Variants in BRI3 observed in about 807,000 individuals in gnomAD.
BRI3 encodes membrane protein BRI3.
In BRI3, 6 loss-of-function variants were observed where a neutral mutation model predicts 12.8. That is an observed-to-expected ratio of 0.47 (90% CI 0.26 to 0.93). The LOEUF (loss-of-function observed/expected upper bound fraction) is 0.93. BRI3 is among the 40% of genes least tolerant of loss of function. The pLI is 0.15. For synonymous variants in BRI3, 91 were observed against 76.1 expected (o/e 1.20, Z -1.02); for missense variants, 134 against 171.1 (o/e 0.78, Z 1.21).
the BRI3 span, chr7:98,317,277 ATCT>A: frequency 2.1e-5 from 34 of 1,614,080 alleles, no homozygotes; most frequent in Middle Eastern, 1.6e-4. Flanking sequence ...TTTCCTTCTG[ATCT>A]TCTTCAACTC....
intron 2 of BRI3, among the ~76,000 whole-genome samples, chr7:98,287,088 C>T (rs899786767): frequency 1.3e-5 from 2 of 152,204 alleles, no homozygotes; most frequent in South Asian, 2.1e-4. Flanking sequence ...TCTCCCGGGC[C>T]GGGGTTCTCA....
intron 2 of BRI3, among the ~76,000 whole-genome samples, chr7:98,286,781 A>G (rs964064736): frequency 6.6e-6 from 1 of 152,378 alleles, no homozygotes; most frequent in Admixed American, 6.5e-5. Context: ...AAACTTTAAT[A>G]TTTCTGCAGC....
upstream of BRI3, among the ~76,000 whole-genome samples, chr7:98,305,374 TCA>T (rs1245795940): frequency 6.6e-6 from 1 of 151,852 alleles, no homozygotes; most frequent in African/African-American, 2.4e-5. Context: ...AAAGTGTTAC[TCA>T]GTTTTTGTTC....
At chr7:98,300,455 G>A (rs1296843971) in intron 1 of BRI3, among the ~76,000 whole-genome samples, 1 of 152,248 alleles carries the variant, frequency 6.6e-6, no homozygotes, top group Non-Finnish European at 1.5e-5. Flanking sequence ...TTTGCAGTCT[G>A]CATAGGATGT....
upstream of BRI3, among the ~76,000 whole-genome samples, chr7:98,301,922 C>A (rs927258188): frequency 6.6e-6 from 1 of 152,116 alleles, no homozygotes; most frequent in Non-Finnish European, 1.5e-5. Flanking sequence ...TCACCCCCTG[C>A]AGGCAGCCCC....
chr7:98,283,211 G>T (rs557474454), intron 2 of BRI3, among the ~76,000 whole-genome samples: 1 of 152,172 alleles, frequency 6.6e-6, no homozygotes, highest in East Asian at 1.9e-4. Flanking sequence ...GGCCGGGACA[G>T]GGTTTTCAGC....
intron 1 of BRI3, among the ~76,000 whole-genome samples, 159 bp downstream of exon 1, chr7:98,282,096 TC>T (rs950138364): frequency 4.0e-5 from 6 of 150,970 alleles, no homozygotes; most frequent in African/African-American, 1.2e-4. Context: ...AGGGCCAGCC[TC>T]CCCCCCGGGG....
At chr7:98,300,951 A>G (rs1218162704) in intron 1 of BRI3, among the ~76,000 whole-genome samples, 1 of 152,088 alleles carries the variant, frequency 6.6e-6, no homozygotes, top group Non-Finnish European at 1.5e-5. Flanking sequence ...CGTCCCAGGA[A>G]CCCTGGCCTC....
chr7:98,317,387 T>G, the BRI3 span: 1 of 1,610,072 alleles, frequency 6.2e-7, no homozygotes, highest in Non-Finnish European at 8.5e-7. Context: ...CTTATTTTAC[T>G]GTGGCACCAC....
chr7:98,308,562 AG>A (rs1308556493), exon 2 of BRI3: 3 of 340,462 alleles, frequency 8.8e-6, no homozygotes, highest in Non-Finnish European at 1.8e-5. Flanking sequence ...CAGCTAGGGC[AG>A]GTTTGTCCCA....
chr7:98,294,182 G>A, downstream of BRI3: 1 of 1,523,236 alleles, frequency 6.6e-7, no homozygotes. Context: ...AGGTAGAGAT[G>A]GGGATTTGCT....
chr7:98,303,027 C>CT (rs1800491928), upstream of BRI3, among the ~76,000 whole-genome samples: 1 of 152,190 alleles, frequency 6.6e-6, no homozygotes, highest in South Asian at 2.1e-4. Context: ...TCAAGTGATC[C>CT]TCCTGCCTTG....
chr7:98,296,121 T>G (rs1020498743), downstream of BRI3, among the ~76,000 whole-genome samples: 2 of 152,118 alleles, frequency 1.3e-5, no homozygotes, highest in Admixed American at 1.3e-4. Flanking sequence ...CACACAGCAC[T>G]GAGCGACTGT....
downstream of BRI3, chr7:98,293,552 G>T: frequency 6.2e-7 from 1 of 1,613,858 alleles, no homozygotes; most frequent in East Asian, 2.2e-5. Context: ...GCGATCATTC[G>T]TCACAGTCGG....
At chr7:98,319,666 C>T in the BRI3 span, among the ~76,000 whole-genome samples, 1 of 151,522 alleles carries the variant, frequency 6.6e-6, no homozygotes, top group Admixed American at 6.6e-5. Flanking sequence ...CCTGCCTCAT[C>T]CTCCCGAGTA....
chr7:98,292,487 T>C (rs907937995), downstream of BRI3: 44 of 736,018 alleles, frequency 6.0e-5, no homozygotes, highest in Non-Finnish European at 8.3e-5. Flanking sequence ...ACCATGACTC[T>C]CCACTCCAAA....
the BRI3 span, chr7:98,315,725 A>G: frequency 4.7e-6 from 2 of 429,302 alleles, no homozygotes; most frequent in Non-Finnish European, 7.3e-6. Context: ...TTATTTGAAT[A>G]ATAGAGTAAA....
rs1006874584 is a variant in BRI3 at position 98,298,166 on chromosome 7, A to C, written c.72-8317A>C. On this transcript the variant is annotated intron_variant and NMD_transcript_variant, in intron 1 of 2. Coordinates refer to the BRI3 transcript ENST00000491463. Reference sequence around the variant, plus strand: ...CCCCTTGGGAGAAGCCCCTGCTCTCAGATCGTCTAATAAGACGCGCCGTCA... The same window carrying C: ...CCCCTTGGGAGAAGCCCCTGCTCTCCGATCGTCTAATAAGACGCGCCGTCA... Among the ~76,000 whole-genome samples, 5 of 152,240 alleles carry C rather than the reference A, an allele frequency of 3.3e-5. No homozygotes were observed. The South Asian group carries it at 8.3e-4, about 25-fold the overall frequency.
intron 2 of BRI3, among the ~76,000 whole-genome samples, chr7:98,288,834 G>A (rs920339697): frequency 1.3e-5 from 2 of 151,904 alleles, no homozygotes; most frequent in African/African-American, 4.8e-5. Flanking sequence ...GGCTTTAAGC[G>A]ATCCGCCTCA....
Sources: allele counts gnomAD v4.1 joint callset (sites outside exome capture counted in the v4.1 genomes callset), GRCh38; gene constraint gnomAD v4.1.1; transcripts MANE v1.5; gene names NCBI Gene and HGNC (gene_info 2026-07-23, HGNC 2026-07-21).